Variants in CAST observed in about 807,000 individuals in gnomAD.
CAST encodes calpastatin.
CAST carries 76 observed loss-of-function variants against 119.6 expected under a neutral mutation model. The ratio of observed to expected loss-of-function variants is 0.64; its 90% CI spans 0.53 to 0.77. CAST has a LOEUF of 0.77. Ranked by LOEUF, CAST falls within the 30% of genes least tolerant of loss-of-function variation. CAST has a pLI of 0.00. For missense variants in CAST, 953 were observed against 946.5 expected, an observed-to-expected ratio of 1.01 and a Z score of -0.09; for synonymous variants, 319 against 331.6, an observed-to-expected ratio of 0.96 and a Z score of 0.41.
At chr5:96,161,407 A>G in the CAST span, among the ~76,000 whole-genome samples, 4 of 152,238 alleles carry the variant, frequency 2.6e-5, no homozygotes, top group African/African-American at 7.2e-5. Flanking sequence ...TCTTTATTAA[A>G]TGATCTTGGC....
the CAST span, among the ~76,000 whole-genome samples, chr5:96,084,011 G>A: frequency 5.9e-5 from 9 of 152,182 alleles, no homozygotes; most frequent in African/African-American, 1.2e-4. Flanking sequence ...GATTAAATGC[G>A]TTAAAATGTG....
the CAST span, among the ~76,000 whole-genome samples, chr5:96,088,674 A>G: frequency 6.6e-6 from 1 of 152,148 alleles, no homozygotes; most frequent in African/African-American, 2.4e-5. Flanking sequence ...TTTTTCTAGA[A>G]TATCCATTTT....
intron 1 of CAST, among the ~76,000 whole-genome samples, chr5:96,538,739 C>G (rs917379756): frequency 2.8e-5 from 2 of 71,918 alleles, no homozygotes; most frequent in South Asian, 1.1e-3. Flanking sequence ...AAGACCCCCC[C>G]ACACACACAC....
the CAST span, among the ~76,000 whole-genome samples, chr5:96,487,206 A>G: frequency 6.6e-6 from 1 of 152,142 alleles, no homozygotes; most frequent in Admixed American, 6.5e-5. Flanking sequence ...CCACCACCAG[A>G]ATGTCCATAC....
chr5:96,450,344 G>C, the CAST span, among the ~76,000 whole-genome samples: 1 of 152,144 alleles, frequency 6.6e-6, no homozygotes, highest in South Asian at 2.1e-4. Flanking sequence ...CTCAGAAGCA[G>C]AAAGTTCAAA....
chr5:96,490,302 A>G, the CAST span, among the ~76,000 whole-genome samples: 3 of 152,076 alleles, frequency 2.0e-5, no homozygotes, highest in African/African-American at 7.2e-5. Flanking sequence ...AATACTCAAT[A>G]CAATCCCAAT....
the CAST span, among the ~76,000 whole-genome samples, chr5:96,469,391 T>C: frequency 6.6e-6 from 1 of 152,032 alleles, no homozygotes. Flanking sequence ...ATCAGGCTCT[T>C]GACTGAAGAA....
intron 24 of CAST, among the ~76,000 whole-genome samples, chr5:96,760,528 C>T (rs143718362): frequency 3.2e-4 from 48 of 151,878 alleles, no homozygotes; most frequent in Non-Finnish European, 1.5e-5. Flanking sequence ...CTTATTATCA[C>T]ATGGAAGAAT....
the CAST span, among the ~76,000 whole-genome samples, chr5:96,383,243 T>C: frequency 1.6e-4 from 15 of 93,716 alleles, no homozygotes; most frequent in African/African-American, 9.3e-4. Flanking sequence ...AAGAAGTAAC[T>C]AGAAAAGAAA....
chr5:96,370,582 A>G, the CAST span, among the ~76,000 whole-genome samples: 1 of 152,130 alleles, frequency 6.6e-6, no homozygotes, highest in African/African-American at 2.4e-5. Flanking sequence ...ATTCACAGGC[A>G]TAGCAGCACT....
intron 1 of CAST, among the ~76,000 whole-genome samples, chr5:96,585,373 T>C (rs1271269577): frequency 6.6e-6 from 1 of 152,106 alleles, no homozygotes; most frequent in Non-Finnish European, 1.5e-5. Context: ...TTCCTATTAC[T>C]CCACTCTTAA....
At chr5:96,031,301 TTC>T in the CAST span, among the ~76,000 whole-genome samples, 4 of 151,998 alleles carry the variant, frequency 2.6e-5, no homozygotes, top group Admixed American at 2.6e-4. Flanking sequence ...TCCATTTATC[TTC>T]TCTTTTTCTA....
chr5:96,602,384 C>T (rs566460275), intron 1 of CAST, among the ~76,000 whole-genome samples: 1 of 152,338 alleles, frequency 6.6e-6, no homozygotes, highest in East Asian at 1.9e-4. Context: ...CCTCATAAAG[C>T]TTACATTCTG....
At chr5:96,659,645 C>T (rs1003830168), upstream of CAST, among the ~76,000 whole-genome samples, 6 of 152,156 alleles carry the variant, frequency 3.9e-5, no homozygotes, top group East Asian at 3.8e-4. Context: ...TCTTGTGCCT[C>T]GGCCTCCTGA....
At chr5:96,291,520 C>G in the CAST span, among the ~76,000 whole-genome samples, 1 of 151,884 alleles carries the variant, frequency 6.6e-6, no homozygotes, top group Non-Finnish European at 1.5e-5. Flanking sequence ...TGACCAATAA[C>G]TTTAGTCTTG....
the CAST span, among the ~76,000 whole-genome samples, chr5:96,106,996 T>C: frequency 6.9e-6 from 1 of 144,392 alleles, no homozygotes; most frequent in African/African-American, 2.6e-5. Flanking sequence ...TTTGTCTCTT[T>C]TGATCTTTGT....
chr5:96,361,379 GA>G, the CAST span, among the ~76,000 whole-genome samples: 93 of 151,390 alleles, frequency 6.1e-4, no homozygotes, highest in African/African-American at 2.1e-3. Flanking sequence ...ACTGGGGTAT[GA>G]AAAAAAAACT....
chr5:96,055,584 C>T, the CAST span, among the ~76,000 whole-genome samples: 1 of 151,468 alleles, frequency 6.6e-6, no homozygotes, highest in Non-Finnish European at 1.5e-5. Flanking sequence ...TTCTATTCAG[C>T]TCCTCACTCT....
At chr5:96,319,778 T>C in the CAST span, among the ~76,000 whole-genome samples, 5 of 152,024 alleles carry the variant, frequency 3.3e-5, no homozygotes, top group African/African-American at 1.2e-4. Flanking sequence ...AGAAAGTCCA[T>C]GCCAGGTGCT....
Sources: gnomAD v4.1 joint callset for allele counts (sites outside exome capture counted in the v4.1 genomes callset) on GRCh38, gnomAD v4.1.1 for gene constraint, MANE v1.5 for transcripts, NCBI Gene and HGNC (gene_info 2026-07-23, HGNC 2026-07-21) for gene names.